LARGE2: variants seen among roughly 807,000 people sequenced by gnomAD.
The protein encoded by LARGE2 is LARGE xylosyl- and glucuronyltransferase 2, also known as xylosyl- and glucuronyltransferase LARGE2.
Under a neutral mutation model 75.3 loss-of-function variants are expected in LARGE2, and 63 were observed. The observed-to-expected ratio is 0.84, with a 90% CI of 0.68 to 1.03. The LOEUF (loss-of-function observed/expected upper bound fraction) is 1.03, where lower values mean the gene tolerates loss of function less well. Ranked by LOEUF, LARGE2 falls within the 50% of genes least tolerant of loss-of-function variation. LARGE2 has a pLI of 0.00. For synonymous variants in LARGE2, 428 were observed against 420.1 expected (o/e 1.02, Z -0.23); for missense variants, 925 against 980.6 (o/e 0.94, Z 0.76).
Position 45,926,725 on chromosome 11 carries a change from G to C in LARGE2, c.1179G>C (p.Leu393=), listed in dbSNP as rs780027260. 1 of 1,613,312 alleles carries C rather than the reference G, an allele frequency of 6.2e-7. No homozygotes were observed. ...PPGAEQLQQA[L]AQLDEEDPCF... ...TGCCCCCTCAGTTGCAGCAGGCCCT[G>C]GCACAACTGGACGAGGAAGACCCCT... The change falls in exon 10 of 14, where the codon CTG becomes CTC. Residue 393 remains leucine (L), a synonymous_variant. Coordinates refer to ENST00000401752, the MANE Select transcript of LARGE2 (RefSeq NM_001300721.2).
rs781446646 is a variant in LARGE2, at chr11:45,927,305, C to T, written c.1326-10C>T. ...GGGGCAGAGCTGTGCTGACCTCCCT[C>T]TCCCCATAGGCTGCAGATGTTGGAA... On this transcript the variant is annotated splice_polypyrimidine_tract_variant and intron_variant, in intron 10 of 13. Transcript: ENST00000401752. The T allele has an allele frequency of 5.0e-6, 8 of 1,609,886 alleles. No homozygotes were observed. Among genetic ancestry groups the T allele is most frequent in the Non-Finnish European group, 6.8e-6 (8 of 1,178,438 alleles).
rs375975023 is a variant in LARGE2 at position 45,924,273 on chromosome 11, T to C, written c.488T>C (p.Leu163Pro). Reference sequence around the variant, plus strand: ...GTCAGCTTTTATCATGCCGACCAGCTCAAGGCAGGGGCCCAGCCCTTCCCC... The same window carrying C: ...GTCAGCTTTTATCATGCCGACCAGCCCAAGGCAGGGGCCCAGCCCTTCCCC... ...VRVSFYHADQ[L>P]KPQVSWIPNK... The change falls in exon 4 of 14, where the codon CTC (leucine) becomes CCC (proline). Residue 163 changes from leucine to proline, a missense_variant. By Grantham distance (98) the Leu-to-Pro change is moderately conservative. Coordinates refer to ENST00000401752, the MANE Select transcript of LARGE2 (RefSeq NM_001300721.2). The C allele has an allele frequency of 3.0e-5, 49 of 1,612,920 alleles. No individual in the cohort carries two copies. The highest frequency in any genetic ancestry group is 4.0e-5 in the Non-Finnish European group (47 of 1,180,008).
chr11:45,928,963 C>A lies in LARGE2; in HGVS notation c.*118C>A. ...TCTGGGAAGGGCTGGGGCAGAGCAT[C>A]TGTGGGGTGGGGTCTTCCCCTTGCT... On this transcript the variant is annotated 3_prime_UTR_variant, in exon 14 of 14. Transcript: ENST00000401752. 1 of 1,360,398 alleles carries A rather than the reference C, an allele frequency of 7.4e-7. No individual in the cohort carries two copies. The highest frequency in any genetic ancestry group is 1.0e-6 in the Non-Finnish European group (1 of 997,410). The allele number at this position is 1,360,398 out of a possible 1,614,324, so 84.3% of individuals were successfully genotyped here.
At chr11:45,922,385 G>C (rs1227247223), upstream of LARGE2, among the ~76,000 whole-genome samples, 2 of 152,118 alleles carry the variant, frequency 1.3e-5, no homozygotes, top group African/African-American at 4.8e-5. Flanking sequence ...GGGAGGAGAC[G>C]CGGCCCCAGA....
At chr11:45,923,398 T>C (rs1590804949) in intron 2 of LARGE2, 75 bp from the exon 3 acceptor site, 1 of 1,422,224 alleles carries the variant, frequency 7.0e-7, no homozygotes. Flanking sequence ...TGCTGCGGGG[T>C]GGGGCAGCTC....
In LARGE2 at chr11:45,928,665, C is replaced by T. The variant is rs1467309043; in HGVS notation, c.1986C>T (p.Thr662=). 6.2e-7 allele frequency: 1 copy of T among 1,614,130 alleles called. No individual in the cohort carries two copies. The highest frequency in any genetic ancestry group is 1.3e-5 in the African/African-American group (1 of 75,048). Residue 662 remains threonine, a synonymous_variant, in exon 14 of 14, where the codon ACC becomes ACT. Transcript: ENST00000401752. ...YELLVLPEAF[T]IHLPHAPSLD... is the part of the protein sequence containing the mutation. ...TCCTGGTGCTGCCCGAGGCCTTCAC[C>T]ATCCATCTGCCCCACGCTCCAAGCC...
At chr11:45,923,708 C>A (rs1195886748) in intron 3 of LARGE2, among the ~76,000 whole-genome samples, 153 bp downstream of exon 3, 1 of 152,080 alleles carries the variant, frequency 6.6e-6, no homozygotes, top group African/African-American at 2.4e-5. Context: ...AACATCCTGC[C>A]GGGCGCGGTG....
intron 4 of LARGE2, 97 bp downstream of exon 4, chr11:45,924,374 C>T: frequency 6.4e-7 from 1 of 1,573,126 alleles, no homozygotes; most frequent in Non-Finnish European, 8.6e-7. Context: ...ATCAGTCCCC[C>T]CTCCACCTAC....
rs2134741891 is a variant in LARGE2, at chr11:45,926,427, C to G, written c.1009-15C>G. On this transcript the variant is annotated splice_polypyrimidine_tract_variant and intron_variant, in intron 8 of 13. Transcript: ENST00000401752. ...CTCCCTGCTCCCATGGCCCCAACAC[C>G]CTCCTGGGTCCCAGGTGATCCACTG... 6.2e-7 allele frequency: 1 copy of G among 1,613,878 alleles called. No individual in the cohort carries two copies. Among genetic ancestry groups the G allele is most frequent in the South Asian group, 1.1e-5 (1 of 91,080 alleles).
In LARGE2 at chr11:45,924,941, C is replaced by A. The variant is rs548421543; in HGVS notation, c.769+52C>A. ...GCGGGGTGGTCTGCTGGTCCTTGGG[C>A]CCCTGGGGCTGGGTGGGGCAAAGAA... is the stretch of plus-strand genomic sequence containing the variant. On this transcript the variant is annotated intron_variant, in intron 6 of 13. Transcript: ENST00000401752. 2.5e-5 allele frequency: 30 copies of A among 1,197,026 alleles called. No individual in the cohort carries two copies. The South Asian group carries it at 4.8e-4, about 19-fold the overall frequency. The allele number at this position is 1,197,026 out of a possible 1,614,324, so 74.2% of individuals were successfully genotyped here. A position where few individuals can be genotyped will look rare whatever the true frequency, so the allele number is the denominator to read the frequency against.
chr11:45,927,385 G>C lies in LARGE2; in HGVS notation c.1396G>C (p.Ala466Pro), dbSNP rs185529842. 2 of 1,614,042 alleles carry C rather than the reference G, an allele frequency of 1.2e-6. No homozygotes were observed. The highest frequency in any genetic ancestry group is 3.3e-5 in the Admixed American group (2 of 60,028). ...PMSLALYLTD[A>P]EAQQFLHFVE... ...GAGCCTGGCCTTGTACCTGACAGAC[G>C]CAGAAGCTCAGCAGTTCCTGCATTT... The change falls in exon 11 of 14, where the codon GCA (alanine) becomes CCA (proline). Residue 466 changes from alanine (A) to proline (P), a missense_variant. Around this residue, in one of 3 missense-constraint regions of LARGE2, gnomAD observed 469 missense variants for 503.8 expected, o/e 0.93. Transcript: ENST00000401752.
upstream of LARGE2, among the ~76,000 whole-genome samples, chr11:45,922,075 G>T (rs2086939257): frequency 6.6e-6 from 1 of 152,058 alleles, no homozygotes; most frequent in South Asian, 2.1e-4. Context: ...TAGGCCGCCC[G>T]CGTCTGGGGC....
chr11:45,926,009 G>T, intron 6 of LARGE2, 30 bp from the exon 7 acceptor site: 1 of 1,538,512 alleles, frequency 6.5e-7, no homozygotes, highest in Non-Finnish European at 8.8e-7. Context: ...GTCGTCCCAG[G>T]TGGGCATGAC....
chr11:45,922,726 CAGGTGAGGGAGGT>C lies in LARGE2; in HGVS notation c.-64_-63+11del. 1 of 498,532 alleles carries C rather than the reference CAGGTGAGGGAGGT, an allele frequency of 2.0e-6. No homozygotes were observed. The highest frequency in any genetic ancestry group is 3.1e-6 in the Non-Finnish European group (1 of 325,152). 30.9% of individuals were successfully genotyped at this position (498,532 alleles called of 1,614,324 possible). On this transcript the variant is annotated splice_donor_variant and splice_donor_5th_base_variant and 5_prime_UTR_variant and intron_variant, in exon 1 of 14. Transcript: ENST00000401752. LOFTEE classifies it low-confidence loss of function (5UTR_SPLICE). ...GGGCCCAGCCCGGGAGCCGCTGGAG[CAGGTGAGGGAGGT>C]GGCTCGGCGCGAGCCGCACAACCCG...
rs749830000 is a variant in LARGE2, at chr11:45,928,280, G to A, written c.1858G>A (p.Val620Met). Reference sequence around the variant, plus strand: ...ATGGGCGGCCAACTATGAACCCTACGTGGTGGTGCCACGAGACTGTCCCCG... The same window carrying A: ...ATGGGCGGCCAACTATGAACCCTACATGGTGGTGCCACGAGACTGTCCCCG... ...VQWAANYEPY[V>M]VVPRDCPRYD... The change falls in exon 13 of 14, where the codon GTG becomes ATG. Residue 620 changes from valine to methionine, a missense_variant. Around this residue, in one of 3 missense-constraint regions of LARGE2, gnomAD observed 469 missense variants for 503.8 expected, o/e 0.93. Transcript: ENST00000401752. 8.1e-6 allele frequency: 13 copies of A among 1,613,982 alleles called. No individual in the cohort carries two copies. The highest frequency in any genetic ancestry group is 4.5e-5 in the East Asian group (2 of 44,880).
intron 3 of LARGE2, 43 bp from the exon 4 acceptor site, chr11:45,924,111 T>C: frequency 6.3e-7 from 1 of 1,596,764 alleles, no homozygotes; most frequent in Non-Finnish European, 8.5e-7. Flanking sequence ...CCCATGTTGC[T>C]CCTGCTGGGG....
intron 6 of LARGE2, among the ~76,000 whole-genome samples, chr11:45,925,381 C>G (rs1487796797): frequency 6.6e-6 from 1 of 152,010 alleles, no homozygotes; most frequent in Non-Finnish European, 1.5e-5. Context: ...ATTGACCAGT[C>G]GCAGTGGCTC....
chr11:45,923,424 C>T (rs911943492), intron 2 of LARGE2, 49 bp from the exon 3 acceptor site: 1 of 1,521,834 alleles, frequency 6.6e-7, no homozygotes, highest in South Asian at 1.1e-5. Context: ...GGGTCCTCAC[C>T]GCCTAGCGGA....
chr11:45,926,127 GC>G lies in LARGE2; in HGVS notation c.860del (p.Pro287LeufsTer14), dbSNP rs1445774186. The G allele has an allele frequency of 1.5e-5, 23 of 1,577,900 alleles. No individual in the cohort carries two copies. The highest frequency in any genetic ancestry group is 1.9e-5 in the Non-Finnish European group (22 of 1,161,794). On this transcript the variant is annotated frameshift_variant, in exon 7 of 14. Transcript: ENST00000401752. LOFTEE classifies it high-confidence loss of function. ...LTARRELLSL[P>X]ATSLADQDIF... ...CAGCCAGGCGGGAGCTCCTTAGCCT[GC>G]CTGCCACCTCACTGGCTGACCAGGT...
Sources: allele counts gnomAD v4.1 joint callset (sites outside exome capture counted in the v4.1 genomes callset), GRCh38; gene constraint gnomAD v4.1.1; regional missense constraint gnomAD v4.1.1; transcripts MANE v1.5; gene names NCBI Gene and HGNC (gene_info 2026-07-23, HGNC 2026-07-21).